Variants in EXT1 observed in about 807,000 individuals in gnomAD.
EXT1 encodes the protein exostosin-1.
EXT1 carries 20 observed loss-of-function variants against 82.5 expected under a neutral mutation model. The ratio of observed to expected loss-of-function variants is 0.24; its 90% confidence interval spans 0.17 to 0.35. The LOEUF is 0.35. Among genes scored for constraint, EXT1 ranks in the 10% least tolerant of loss-of-function variants. EXT1 has a pLI of 1.00. For synonymous variants in EXT1, 348 were observed against 350.8 expected (o/e 0.99, Z 0.09); for missense variants, 757 against 936.5 (o/e 0.81, Z 2.50).
chr8:118,003,923 AC>A (rs1445997978), intron 1 of EXT1, among the ~76,000 whole-genome samples: 1 of 152,226 alleles, frequency 6.6e-6, no homozygotes, highest in African/African-American at 2.4e-5. Context: ...AAACAGAAAA[AC>A]CATATTACCA....
intron 1 of EXT1, among the ~76,000 whole-genome samples, chr8:118,095,309 G>A (rs568053665): frequency 3.6e-4 from 55 of 152,238 alleles, no homozygotes; most frequent in South Asian, 2.5e-3. Context: ...CCTTTTAACC[G>A]TACTAAGCAT....
intron 1 of EXT1, among the ~76,000 whole-genome samples, chr8:118,097,125 A>G (rs142681076): frequency 2.2e-4 from 33 of 152,140 alleles, no homozygotes; most frequent in Non-Finnish European, 4.4e-4. Context: ...TTGCATCCAA[A>G]CGACCTGGTG....
At chr8:118,085,701 T>C (rs1302492745) in intron 1 of EXT1, among the ~76,000 whole-genome samples, 3 of 152,104 alleles carry the variant, frequency 2.0e-5, no homozygotes, top group Non-Finnish European at 4.4e-5. Context: ...CTATCCTATG[T>C]TACTCGTGTG....
At chr8:118,024,856 T>C (rs1209356617) in intron 1 of EXT1, among the ~76,000 whole-genome samples, 1 of 152,224 alleles carries the variant, frequency 6.6e-6, no homozygotes, top group Admixed American at 6.5e-5. Flanking sequence ...AATGGTCATC[T>C]TTCATCCAAC....
At chr8:118,105,907 T>C (rs1190660345) in intron 1 of EXT1, among the ~76,000 whole-genome samples, 1 of 152,178 alleles carries the variant, frequency 6.6e-6, no homozygotes, top group Non-Finnish European at 1.5e-5. Flanking sequence ...CTTGCACATA[T>C]TTTCTTTTTG....
chr8:117,824,266 A>G (rs1166430478), intron 4 of EXT1, among the ~76,000 whole-genome samples: 2 of 152,222 alleles, frequency 1.3e-5, no homozygotes, highest in Non-Finnish European at 2.9e-5. Context: ...ATGGGTCATC[A>G]TTCCCATCAG....
At chr8:118,000,038 GT>G (rs1415638098) in intron 1 of EXT1, among the ~76,000 whole-genome samples, 3 of 151,896 alleles carry the variant, frequency 2.0e-5, no homozygotes, top group Non-Finnish European at 2.9e-5. Flanking sequence ...CACACACACA[GT>G]TTATTTTTTC....
chr8:117,841,519 C>A (rs150422506), intron 1 of EXT1, among the ~76,000 whole-genome samples: 3 of 152,254 alleles, frequency 2.0e-5, no homozygotes, highest in Middle Eastern at 6.8e-3. Context: ...TCACACACTA[C>A]TTAAAAGAAA....
At chr8:117,819,896 C>T in intron 5 of EXT1, 102 bp from the exon 6 acceptor site, 3 of 1,085,256 alleles carry the variant, frequency 2.8e-6, no homozygotes, top group South Asian at 1.4e-5. Flanking sequence ...CAAATGTTCC[C>T]TCCTGGATGA....
chr8:117,912,841 G>GAGCT (rs1482304870), intron 1 of EXT1, among the ~76,000 whole-genome samples: 1 of 152,208 alleles, frequency 6.6e-6, no homozygotes, highest in Non-Finnish European at 1.5e-5. Flanking sequence ...TGGAAACCAT[G>GAGCT]AGCTAGGTTC....
intron 1 of EXT1, among the ~76,000 whole-genome samples, chr8:117,980,343 A>G (rs1480171216): frequency 6.6e-6 from 1 of 152,124 alleles, no homozygotes; most frequent in Non-Finnish European, 1.5e-5. Context: ...GACTTCCTCC[A>G]AAATATTGCT....
chr8:118,032,145 A>C lies in EXT1; in HGVS notation c.962+77940T>G, dbSNP rs1816336469. Among the ~76,000 whole-genome samples the C allele has an allele frequency of 3.5e-5, 5 of 142,590 alleles. 1 individual carries two copies. In the South Asian group the frequency reaches 1.2e-3, roughly 35 times the overall value. The allele number at this position is 142,590 out of a possible 152,430, so 93.5% of individuals were successfully genotyped here. A position where few individuals can be genotyped will look rare whatever the true frequency, so the allele number is the denominator to read the frequency against. On this transcript the variant is annotated intron_variant, in intron 1 of 10. Coordinates refer to ENST00000378204, the MANE Select transcript of EXT1 (RefSeq NM_000127.3). The stretch of plus-strand genomic sequence containing the variant: ...TTACTCAATGGCCAAAACCGCGATG[A>C]CTTTTGCACCGACCTAATAAATGCA...
chr8:117,861,511 T>G (rs1452835390), intron 1 of EXT1, among the ~76,000 whole-genome samples: 1,449 of 135,016 alleles, frequency 0.011, 53 homozygotes, highest in Non-Finnish European at 0.015. Context: ...TTTTTTTTTT[T>G]TGAGATAGAG....
chr8:118,056,455 G>A (rs1816795463), intron 1 of EXT1, among the ~76,000 whole-genome samples: 3 of 152,166 alleles, frequency 2.0e-5, no homozygotes, highest in Non-Finnish European at 2.9e-5. Context: ...TTTCCAGGAA[G>A]CCTGTGATAA....
chr8:117,977,792 C>T (rs978611074), intron 1 of EXT1, among the ~76,000 whole-genome samples: 1 of 152,114 alleles, frequency 6.6e-6, no homozygotes, highest in African/African-American at 2.4e-5. Flanking sequence ...ACCCACTACC[C>T]ATGACCAGTG....
intron 1 of EXT1, among the ~76,000 whole-genome samples, chr8:117,898,396 A>G (rs1042648385): frequency 3.3e-5 from 5 of 152,196 alleles, no homozygotes; most frequent in African/African-American, 4.8e-5. Flanking sequence ...TCTAGTTTCA[A>G]TCCTGCAAAC....
intron 1 of EXT1, among the ~76,000 whole-genome samples, chr8:117,924,652 GCT>G (rs1813921331): frequency 6.6e-6 from 1 of 152,186 alleles, no homozygotes; most frequent in African/African-American, 2.4e-5. Context: ...GAGGAACAGT[GCT>G]TTCTACACTA....
intron 1 of EXT1, among the ~76,000 whole-genome samples, chr8:118,024,520 T>C (rs1452788374): frequency 1.5e-5 from 2 of 129,724 alleles, no homozygotes; most frequent in African/African-American, 6.8e-5. Context: ...TAAAACAGCT[T>C]TAAAAAAAAG....
At chr8:118,066,216 C>A (rs764630262) in intron 1 of EXT1, among the ~76,000 whole-genome samples, 1 of 152,152 alleles carries the variant, frequency 6.6e-6, no homozygotes, top group East Asian at 1.9e-4. Flanking sequence ...CTCAGCCCTA[C>A]TCAACATGAA....
Sources: gnomAD v4.1 joint callset for allele counts (sites outside exome capture counted in the v4.1 genomes callset) on GRCh38, gnomAD v4.1.1 for gene constraint, MANE v1.5 for transcripts, NCBI Gene and HGNC (gene_info 2026-07-23, HGNC 2026-07-21) for gene names.